DNAJC1: variants seen among roughly 807,000 people sequenced by gnomAD.
DNAJC1 encodes the protein dnaJ homolog subfamily C member 1.
DNAJC1 carries 58 observed loss-of-function variants against 76.6 expected under a neutral mutation model. The observed-to-expected ratio is 0.76, with a 90% confidence interval of 0.61 to 0.94. The LOEUF (loss-of-function observed/expected upper bound fraction) is 0.94. DNAJC1 is among the 40% of genes least tolerant of loss of function. The pLI is 0.00. For synonymous variants in DNAJC1, 258 were observed against 267.9 expected (o/e 0.96, Z 0.36); for missense variants, 689 against 677.3 (o/e 1.02, Z -0.19).
At chr10:21,925,310 C>T (rs933522336) in intron 3 of DNAJC1, among the ~76,000 whole-genome samples, 6 of 152,178 alleles carry the variant, frequency 3.9e-5, no homozygotes, top group Admixed American at 6.5e-5. Flanking sequence ...CTGCGCCCAG[C>T]CAGCATTGTG....
At chr10:22,000,422 G>T (rs964136285) in intron 1 of DNAJC1, among the ~76,000 whole-genome samples, 8 of 152,178 alleles carry the variant, frequency 5.3e-5, no homozygotes, top group African/African-American at 1.9e-4. Context: ...AGCCCTACAT[G>T]GTCTTCCCTT....
intron 9 of DNAJC1, among the ~76,000 whole-genome samples, chr10:21,779,941 GA>G (rs1834505520): frequency 6.6e-6 from 1 of 152,162 alleles, no homozygotes; most frequent in African/African-American, 2.4e-5. Context: ...AGAACTACGT[GA>G]TGCATGCACA....
At chr10:21,813,894 T>C (rs1835032127) in intron 8 of DNAJC1, among the ~76,000 whole-genome samples, 1 of 152,222 alleles carries the variant, frequency 6.6e-6, no homozygotes, top group Non-Finnish European at 1.5e-5. Context: ...AAAATGCTGA[T>C]ACTCTAGCTA....
chr10:21,919,700 A>G, intron 5 of DNAJC1, 132 bp downstream of exon 5: 1 of 570,010 alleles, frequency 1.8e-6, no homozygotes. Context: ...ATGGCACATT[A>G]TTAGTCTTTT....
intron 7 of DNAJC1, among the ~76,000 whole-genome samples, chr10:21,886,980 A>T (rs1836376719): frequency 6.6e-6 from 1 of 152,210 alleles, no homozygotes; most frequent in Non-Finnish European, 1.5e-5. Context: ...ATGATTCTAT[A>T]TCTAGAAAAC....
At chr10:21,810,519 G>T (rs1834947904) in intron 8 of DNAJC1, among the ~76,000 whole-genome samples, 1 of 152,116 alleles carries the variant, frequency 6.6e-6, no homozygotes, top group African/African-American at 2.4e-5. Context: ...TCCCATAGTG[G>T]TCATGGACAC....
At chr10:21,837,440 G>A (rs897317185) in intron 8 of DNAJC1, among the ~76,000 whole-genome samples, 76 of 150,630 alleles carry the variant, frequency 5.0e-4, no homozygotes, top group Admixed American at 1.7e-3. Context: ...GCCTCTTCCC[G>A]GCCGCCATCC....
chr10:21,982,863 C>T (rs1203173191), intron 1 of DNAJC1, among the ~76,000 whole-genome samples: 1 of 152,092 alleles, frequency 6.6e-6, no homozygotes, highest in Non-Finnish European at 1.5e-5. Context: ...ACTGCCTGGG[C>T]AACAAATTGT....
chr10:21,881,182 T>G (rs1293181064), intron 8 of DNAJC1, among the ~76,000 whole-genome samples: 1 of 152,228 alleles, frequency 6.6e-6, no homozygotes, highest in Admixed American at 6.5e-5. Context: ...TGGATTAGGC[T>G]TTGGCTCAAG....
chr10:21,832,790 A>T (rs1001407450), intron 8 of DNAJC1, among the ~76,000 whole-genome samples: 4 of 152,204 alleles, frequency 2.6e-5, no homozygotes, highest in Non-Finnish European at 2.9e-5. Context: ...TGTGGACAAC[A>T]TCACTTCACC....
intron 8 of DNAJC1, among the ~76,000 whole-genome samples, chr10:21,839,945 A>T (rs1376060240): frequency 6.6e-6 from 1 of 152,246 alleles, no homozygotes; most frequent in African/African-American, 2.4e-5. Flanking sequence ...GGCTGGTTCA[A>T]CATACGCAAA....
Position 21,856,103 on chromosome 10 carries a change from T to C in DNAJC1, c.978+26179A>G, listed in dbSNP as rs181357940. Among the ~76,000 whole-genome samples, 777 of 152,278 alleles carry C rather than the reference T, an allele frequency of 5.1e-3. 19 individuals are homozygous for C. The highest frequency in any genetic ancestry group is 0.044 in the Admixed American group (676 of 15,274). ...GTTGAATTAGACTTAGAGTGGGAAT[T>C]TTATACATTCTCCTGAAGGTAGATA... On this transcript the variant is annotated intron_variant, in intron 8 of 11. Coordinates refer to ENST00000376980, the MANE Select transcript of DNAJC1 (RefSeq NM_022365.4).
chr10:21,974,352 G>A (rs894416512), intron 1 of DNAJC1, among the ~76,000 whole-genome samples: 4 of 152,120 alleles, frequency 2.6e-5, no homozygotes, highest in African/African-American at 9.7e-5. Flanking sequence ...ATTTTGGAAA[G>A]TAATTTTGCT....
At chr10:21,853,783 A>G (rs1835789822) in intron 8 of DNAJC1, among the ~76,000 whole-genome samples, 2 of 118,096 alleles carry the variant, frequency 1.7e-5, no homozygotes, top group African/African-American at 3.8e-5. Context: ...ATGAGACTCC[A>G]TCTCAAAAAA....
chr10:21,916,180 A>G (rs2131762858), intron 6 of DNAJC1, among the ~76,000 whole-genome samples: 1 of 152,300 alleles, frequency 6.6e-6, no homozygotes, highest in African/African-American at 2.4e-5. Flanking sequence ...AGAAACTTCA[A>G]TCAGTGGACT....
chr10:21,758,019 G>A (rs1009866867), intron 11 of DNAJC1, among the ~76,000 whole-genome samples: 31 of 152,200 alleles, frequency 2.0e-4, no homozygotes, highest in African/African-American at 7.5e-4. Flanking sequence ...GGGTAGAATA[G>A]TTACTTCTGC....
intron 1 of DNAJC1, among the ~76,000 whole-genome samples, chr10:21,963,770 T>A (rs1201067134): frequency 1.3e-5 from 2 of 152,242 alleles, no homozygotes; most frequent in East Asian, 3.8e-4. Flanking sequence ...GATAATTTTA[T>A]TCATTTCCAT....
At position 21,899,303 on chromosome 10, in the gene DNAJC1, C is replaced by T. The variant is rs118082385; in HGVS notation, c.820+5219G>A. On this transcript the variant is annotated intron_variant, in intron 7 of 11. Transcript: ENST00000376980. ...AGGCAGGCAATTCATCTGTACATAT[C>T]CCTAGGAAGGGGGCTGAATCCAGGG... Among the ~76,000 whole-genome samples, 124 of 152,320 alleles carry T rather than the reference C, an allele frequency of 8.1e-4. 1 individual carries two copies. The highest frequency in any genetic ancestry group is 2.7e-3 in the Admixed American group (41 of 15,308).
At chr10:21,787,512 A>G (rs764591321) in intron 9 of DNAJC1, among the ~76,000 whole-genome samples, 1 of 152,330 alleles carries the variant, frequency 6.6e-6, no homozygotes, top group African/African-American at 2.4e-5. Flanking sequence ...CCACAAAGAC[A>G]GCCAAAAACA....
Sources: allele counts gnomAD v4.1 joint callset (sites outside exome capture counted in the v4.1 genomes callset), GRCh38; gene constraint gnomAD v4.1.1; transcripts MANE v1.5; gene names NCBI Gene and HGNC (gene_info 2026-07-23, HGNC 2026-07-21).